Variants in CHCT1 observed in about 807,000 individuals in gnomAD.
CHCT1 encodes the protein CHD1 helical C-terminal domain containing protein 1.
chr17:60,427,009 G>C, the CHCT1 span, among the ~76,000 whole-genome samples: 3 of 152,210 alleles, frequency 2.0e-5, no homozygotes, highest in African/African-American at 7.2e-5. Context: ...CCGAGGCTCA[G>C]CATCAAGTTC....
chr17:60,428,520 TC>T, the CHCT1 span, among the ~76,000 whole-genome samples: 1 of 150,632 alleles, frequency 6.6e-6, no homozygotes, highest in African/African-American at 2.4e-5. Flanking sequence ...AGAGTTTTGC[TC>T]TTGTCCCCCA....
the CHCT1 span, among the ~76,000 whole-genome samples, chr17:60,422,089 A>C: frequency 6.6e-6 from 1 of 152,090 alleles, no homozygotes; most frequent in Admixed American, 6.6e-5. Flanking sequence ...GTGCTGGCTC[A>C]CTGTGTCCCT....
At chr17:60,429,103 A>C in the CHCT1 span, among the ~76,000 whole-genome samples, 1 of 152,166 alleles carries the variant, frequency 6.6e-6, no homozygotes, top group Admixed American at 6.6e-5. Context: ...AAAAACAATA[A>C]GACACTGCAG....
At chr17:60,426,463 A>G in the CHCT1 span, 1 of 1,159,322 alleles carries the variant, frequency 8.6e-7, no homozygotes, top group Non-Finnish European at 1.2e-6. Flanking sequence ...GCCTGAGGGG[A>G]TGGAGAGAGC....
At chr17:60,422,186 C>T in the CHCT1 span, 1 of 278,782 alleles carries the variant, frequency 3.6e-6, no homozygotes, top group Non-Finnish European at 6.7e-6. Flanking sequence ...GCCCCCACCA[C>T]GGCGTAACCC....
the CHCT1 span, chr17:60,426,582 C>T: frequency 3.8e-6 from 5 of 1,304,616 alleles, no homozygotes; most frequent in Admixed American, 2.3e-5. Flanking sequence ...ATCCCCACCC[C>T]TCCATTCCCC....
the CHCT1 span, chr17:60,426,293 C>T: frequency 6.5e-7 from 1 of 1,549,938 alleles, no homozygotes; most frequent in Non-Finnish European, 8.7e-7. Context: ...CAACACCTTT[C>T]TGCAGCATTA....
chr17:60,426,473 C>A, the CHCT1 span: 1 of 1,101,024 alleles, frequency 9.1e-7, no homozygotes, highest in Non-Finnish European at 1.3e-6. Context: ...ATGGAGAGAG[C>A]TCCTAGTCAC....
the CHCT1 span, chr17:60,421,858 G>A: frequency 4.1e-6 from 4 of 985,486 alleles, no homozygotes; most frequent in Non-Finnish European, 4.8e-6. Context: ...GCGCACACGA[G>A]GCCGGCGACG....
chr17:60,429,028 G>T, the CHCT1 span, among the ~76,000 whole-genome samples: 1 of 151,578 alleles, frequency 6.6e-6, no homozygotes, highest in Non-Finnish European at 1.5e-5. Flanking sequence ...TCAGCTAAAC[G>T]AGTAAGGCTC....
At chr17:60,427,922 G>A in the CHCT1 span, among the ~76,000 whole-genome samples, 3 of 151,954 alleles carry the variant, frequency 2.0e-5, no homozygotes, top group African/African-American at 4.8e-5. Context: ...ATGTCATATC[G>A]TCGGGATCAT....
At chr17:60,429,295 G>A in the CHCT1 span, 2 of 1,514,858 alleles carry the variant, frequency 1.3e-6, no homozygotes, top group Non-Finnish European at 1.8e-6. Flanking sequence ...CAAATGCGGT[G>A]CTGGGACTCT....
At chr17:60,426,939 C>G in the CHCT1 span, 1 of 1,493,378 alleles carries the variant, frequency 6.7e-7, no homozygotes. Flanking sequence ...GGCTCACTGC[C>G]AGGGCAAGAC....
At chr17:60,429,426 C>G in the CHCT1 span, 1 of 1,614,116 alleles carries the variant, frequency 6.2e-7, no homozygotes, top group African/African-American at 1.3e-5. Context: ...GACAGTCTGC[C>G]CAAGCTCTGC....
chr17:60,421,297 C>T, the CHCT1 span: 1 of 877,420 alleles, frequency 1.1e-6, no homozygotes, highest in Non-Finnish European at 1.4e-6. Flanking sequence ...AACATGCTGG[C>T]ATAGAGGACA....
At chr17:60,423,756 G>A in the CHCT1 span, among the ~76,000 whole-genome samples, 1 of 152,202 alleles carries the variant, frequency 6.6e-6, no homozygotes, top group African/African-American at 2.4e-5. Context: ...GTGAGCCACT[G>A]GGCCTGGCCT....
the CHCT1 span, chr17:60,429,525 G>A: frequency 6.2e-7 from 1 of 1,614,080 alleles, no homozygotes; most frequent in Non-Finnish European, 8.5e-7. Flanking sequence ...CCCCTGCCTG[G>A]GCAGCCAAGA....
chr17:60,425,042 A>G, the CHCT1 span, among the ~76,000 whole-genome samples: 3 of 152,168 alleles, frequency 2.0e-5, no homozygotes, highest in Non-Finnish European at 4.4e-5. Context: ...AACCTGATTC[A>G]CCAAAGAATG....
the CHCT1 span, chr17:60,426,202 G>A: frequency 6.4e-7 from 1 of 1,551,802 alleles, no homozygotes; most frequent in Non-Finnish European, 8.7e-7. Flanking sequence ...TCCTGCGAAA[G>A]TTGCACCTGC....
Sources: allele counts gnomAD v4.1 joint callset (sites outside exome capture counted in the v4.1 genomes callset), GRCh38; gene constraint gnomAD v4.1.1; transcripts MANE v1.5; gene names NCBI Gene and HGNC (gene_info 2026-07-23, HGNC 2026-07-21).